The following SPECC1 variants were observed in gnomAD, a reference collection of about 807,000 sequenced individuals.
SPECC1 encodes sperm antigen with calponin homology and coiled-coil domains 1, also known as cytospin-B.
In SPECC1, 62 loss-of-function variants were observed where a neutral mutation model predicts 104.1. The observed-to-expected ratio is 0.60, with a 90% confidence interval of 0.49 to 0.74. SPECC1 has a LOEUF of 0.74. Ranked by LOEUF, SPECC1 falls within the 30% of genes least tolerant of loss-of-function variation. SPECC1 has a pLI of 0.00. For synonymous variants in SPECC1, 513 were observed against 501.6 expected (o/e 1.02, Z -0.30); for missense variants, 1,306 against 1,310.5 (o/e 1.00, Z 0.05).
chr17:20,205,193 G>C lies in SPECC1; in HGVS notation c.1144G>C (p.Glu382Gln). 6.2e-7 allele frequency: 1 copy of C among 1,614,102 alleles called. No individual in the cohort carries two copies. The highest frequency in any genetic ancestry group is 8.5e-7 in the Non-Finnish European group (1 of 1,180,022). ...CACAGAGAAGATACAAAAGATGGAAGAAAACCACCATAGCACTGCAGAAGA... is the reference window on the plus strand; with the variant it reads ...CACAGAGAAGATACAAAAGATGGAACAAAACCACCATAGCACTGCAGAAGA... ...SLTEKIQKME[E>Q]NHHSTAEELQ... is the part of the protein sequence containing the mutation. Residue 382 changes from glutamate (E) to glutamine (Q), a missense_variant, in exon 4 of 15, where the codon GAA (glutamate) becomes CAA (glutamine). Coordinates refer to ENST00000395527, the MANE Select transcript of SPECC1 (RefSeq NM_001243439.2).
intron 3 of SPECC1, among the ~76,000 whole-genome samples, chr17:20,188,870 A>C (rs1180777277): frequency 1.3e-5 from 2 of 152,184 alleles, no homozygotes; most frequent in African/African-American, 2.4e-5. Flanking sequence ...CCCCAAAGTG[A>C]TATTAATAGA....
chr17:20,027,172 C>A (rs1952045478), intron 1 of SPECC1, among the ~76,000 whole-genome samples: 1 of 151,826 alleles, frequency 6.6e-6, no homozygotes, highest in Non-Finnish European at 1.5e-5. Context: ...TATACACTAA[C>A]AAGTAATCAA....
rs200380064 is a variant in SPECC1 at position 20,011,516 on chromosome 17, C to CT, written c.-22+2101dup. Reference sequence around the variant, plus strand: ...CAGTACTTTTTTTGGTACCTTTTCTCTTTTTTTTTGATCAGACTTGCTTAA... The same window carrying CT: ...CAGTACTTTTTTTGGTACCTTTTCTCTTTTTTTTTTGATCAGACTTGCTTAA... On this transcript the variant is annotated intron_variant, in intron 1 of 14. Transcript: ENST00000395527. Among the ~76,000 whole-genome samples the CT allele has an allele frequency of 3.0e-4, 45 of 150,908 alleles. No individual in the cohort carries two copies. The East Asian group carries it at 6.2e-3, about 21-fold the overall frequency.
chr17:20,270,172 G>A (rs1171153584), intron 12 of SPECC1, among the ~76,000 whole-genome samples: 2 of 152,064 alleles, frequency 1.3e-5, no homozygotes, highest in Admixed American at 6.6e-5. Context: ...TGATGAAAAT[G>A]TTCTGGAACT....
intron 5 of SPECC1, among the ~76,000 whole-genome samples, chr17:20,230,660 A>G (rs1313686927): frequency 6.6e-6 from 1 of 152,194 alleles, no homozygotes; most frequent in Non-Finnish European, 1.5e-5. Flanking sequence ...TTATATCATC[A>G]TATATCCAAG....
intron 4 of SPECC1, among the ~76,000 whole-genome samples, chr17:20,219,325 CTT>C (rs1046898459): frequency 1.2e-4 from 19 of 152,092 alleles, no homozygotes; most frequent in African/African-American, 4.3e-4. Flanking sequence ...TCATTCATGA[CTT>C]TTGAATAAAA....
chr17:20,051,074 TTCTTTC>T (rs144194695), intron 1 of SPECC1, among the ~76,000 whole-genome samples: 794 of 63,922 alleles, frequency 0.012, 14 homozygotes, highest in South Asian at 0.021. Context: ...TTCTTTTTCT[TTCTTTC>T]TTTCTTTCTT....
chr17:20,265,863 T>C (rs1598108959), intron 12 of SPECC1, among the ~76,000 whole-genome samples: 1 of 152,344 alleles, frequency 6.6e-6, no homozygotes, highest in African/African-American at 2.4e-5. Context: ...CTCTTCCCAT[T>C]GCTTGTTTTT....
At chr17:20,014,590 C>T (rs117655795) in intron 1 of SPECC1, among the ~76,000 whole-genome samples, 4,648 of 152,204 alleles carry the variant, frequency 0.031, 93 homozygotes, top group Non-Finnish European at 0.048. Flanking sequence ...TAGGATTCTA[C>T]GTTAAAACCT....
At chr17:20,221,671 GTTTC>G (rs1214501224) in intron 4 of SPECC1, among the ~76,000 whole-genome samples, 2 of 150,738 alleles carry the variant, frequency 1.3e-5, no homozygotes, top group Non-Finnish European at 3.0e-5. Flanking sequence ...GATCTTTATT[GTTTC>G]TTCTCATTTT....
At chr17:20,260,336 G>A (rs897998140) in intron 12 of SPECC1, 42 bp downstream of exon 12, 3 of 1,565,278 alleles carry the variant, frequency 1.9e-6, no homozygotes, top group Admixed American at 1.7e-5. Context: ...CCCCTGGGCA[G>A]TAGTAGTCCT....
chr17:20,181,212 A>G (rs1412347766), intron 3 of SPECC1, among the ~76,000 whole-genome samples: 3 of 152,164 alleles, frequency 2.0e-5, no homozygotes, highest in East Asian at 1.9e-4. Flanking sequence ...TTTTATTAGT[A>G]TAAGAAAAGA....
At chr17:20,313,598 G>A (rs990153287) in intron 14 of SPECC1, among the ~76,000 whole-genome samples, 8 of 152,228 alleles carry the variant, frequency 5.3e-5, no homozygotes, top group African/African-American at 1.9e-4. Flanking sequence ...GTAATAGCGC[G>A]TGCAGTGTGC....
intron 4 of SPECC1, among the ~76,000 whole-genome samples, chr17:20,223,672 CAA>C (rs761885154): frequency 3.8e-5 from 5 of 131,426 alleles, no homozygotes; most frequent in Admixed American, 7.6e-5. Context: ...GACTTTGTCT[CAA>C]AAAAAAAAAA....
At chr17:20,235,649 C>T (rs1202280743) in intron 7 of SPECC1, among the ~76,000 whole-genome samples, 2 of 152,174 alleles carry the variant, frequency 1.3e-5, no homozygotes, top group African/African-American at 4.8e-5. Context: ...GCATTTGTTC[C>T]TCTTGTTCTG....
rs760444620 is a variant in SPECC1 at position 20,110,467 on chromosome 17, G to T, written c.188G>T (p.Gly63Val). ...AGTGAGGACACGCTCAACAAGCCAG[G>T]AAGTACCGCTGCATCGGGGGTGGTT... ...ASSEDTLNKPGSTAASGVVRL... is the reference protein window; with the variant it reads ...ASSEDTLNKPVSTAASGVVRL... Residue 63 changes from glycine to valine, a missense_variant, in exon 3 of 15, where the codon GGA becomes GTA. Coordinates refer to ENST00000395527, the MANE Select transcript of SPECC1 (RefSeq NM_001243439.2). 3.1e-6 allele frequency: 5 copies of T among 1,614,018 alleles called. No individual in the cohort carries two copies. In the South Asian group the frequency reaches 4.4e-5, roughly 14 times the overall value.
chr17:20,129,783 TA>T (rs2049515639), intron 3 of SPECC1, among the ~76,000 whole-genome samples: 2 of 151,914 alleles, frequency 1.3e-5, no homozygotes, highest in African/African-American at 4.8e-5. Context: ...AGACAGAGTC[TA>T]ACTCTGTTGC....
At chr17:20,167,177 G>A (rs9907516) in intron 3 of SPECC1, among the ~76,000 whole-genome samples, 84,930 of 147,218 alleles carry the variant, frequency 0.58, 25,088 homozygotes, top group African/African-American at 0.64. Context: ...TATAGTGTAT[G>A]TAATATGTTA....
intron 1 of SPECC1, among the ~76,000 whole-genome samples, chr17:20,069,102 T>C (rs1295257068): frequency 6.6e-6 from 1 of 152,216 alleles, no homozygotes; most frequent in East Asian, 1.9e-4. Context: ...CCTTTTCTGC[T>C]CCCTCCTCCA....
Sources: allele counts gnomAD v4.1 joint callset (sites outside exome capture counted in the v4.1 genomes callset), GRCh38; gene constraint gnomAD v4.1.1; transcripts MANE v1.5; gene names NCBI Gene and HGNC (gene_info 2026-07-23, HGNC 2026-07-21).